The following SGCZ variants were observed in gnomAD, a reference collection of about 807,000 sequenced individuals.
SGCZ encodes the protein zeta-sarcoglycan.
Under a neutral mutation model 41.3 loss-of-function variants are expected in SGCZ, and 40 were observed. That is an observed-to-expected ratio of 0.97 (90% CI 0.75 to 1.26). SGCZ has a LOEUF of 1.26. Among genes scored for constraint, SGCZ ranks in the 50% most tolerant of loss-of-function variants. The pLI is 0.00. For missense variants in SGCZ, 552 were observed against 369.8 expected, an observed-to-expected ratio of 1.49 and a Z score of -4.04; for synonymous variants, 206 against 137.5, an observed-to-expected ratio of 1.50 and a Z score of -3.49.
intron 2 of SGCZ, among the ~76,000 whole-genome samples, chr8:14,352,453 G>T (rs61599929): frequency 0.056 from 8,590 of 152,130 alleles, 712 homozygotes; most frequent in African/African-American, 0.18. Context: ...TAAAAGCCAA[G>T]AAAATTTGAC....
chr8:14,594,292 C>T (rs1321938376), intron 1 of SGCZ, among the ~76,000 whole-genome samples: 4 of 151,940 alleles, frequency 2.6e-5, no homozygotes, highest in Non-Finnish European at 2.9e-5. Flanking sequence ...CAAGGATTTG[C>T]ATCTTTATCA....
At chr8:14,749,246 G>C (rs1304032976) in intron 1 of SGCZ, among the ~76,000 whole-genome samples, 1 of 152,010 alleles carries the variant, frequency 6.6e-6, no homozygotes, top group East Asian at 1.9e-4. Context: ...GGTGATGTTT[G>C]GACCAAAATG....
At chr8:14,630,545 T>A (rs563104044) in intron 1 of SGCZ, among the ~76,000 whole-genome samples, 1 of 152,026 alleles carries the variant, frequency 6.6e-6, no homozygotes, top group South Asian at 2.1e-4. Context: ...GGATTATAAA[T>A]CATGCTGCTA....
chr8:15,223,801 A>C (rs983881552), intron 1 of SGCZ, among the ~76,000 whole-genome samples: 4 of 152,190 alleles, frequency 2.6e-5, no homozygotes, highest in Admixed American at 2.6e-4. Context: ...AACTAGAAAA[A>C]GTATAGCAAA....
chr8:14,221,388 G>A (rs190519828), intron 4 of SGCZ, among the ~76,000 whole-genome samples: 1 of 152,268 alleles, frequency 6.6e-6, no homozygotes, highest in Admixed American at 6.5e-5. Flanking sequence ...ATTTTCAGGA[G>A]AGGCAATTGT....
chr8:14,246,659 G>A (rs559594303), intron 3 of SGCZ, among the ~76,000 whole-genome samples: 123 of 151,542 alleles, frequency 8.1e-4, no homozygotes, highest in Non-Finnish European at 1.1e-3. Context: ...TGTAATCCCA[G>A]CACTTTGGGA....
At chr8:14,510,591 C>T (rs1344386075) in intron 2 of SGCZ, among the ~76,000 whole-genome samples, 8 of 152,082 alleles carry the variant, frequency 5.3e-5, no homozygotes, top group Non-Finnish European at 8.8e-5. Flanking sequence ...CCTATGGTTA[C>T]GCCATCATTC....
At chr8:14,568,982 T>C (rs989866798) in intron 1 of SGCZ, among the ~76,000 whole-genome samples, 2 of 152,198 alleles carry the variant, frequency 1.3e-5, no homozygotes, top group Non-Finnish European at 2.9e-5. Flanking sequence ...TTTTTTTATT[T>C]GGAAATTGGA....
At chr8:14,735,592 C>G (rs1799005418) in intron 1 of SGCZ, among the ~76,000 whole-genome samples, 1 of 152,130 alleles carries the variant, frequency 6.6e-6, no homozygotes, top group Non-Finnish European at 1.5e-5. Flanking sequence ...GGATTTTGGA[C>G]TCAGCCTGAG....
chr8:14,312,598 C>G (rs6530762), intron 3 of SGCZ, among the ~76,000 whole-genome samples: 7,872 of 151,858 alleles, frequency 0.052, 629 homozygotes, highest in African/African-American at 0.17. Context: ...CCACTGCACT[C>G]TAGCCTAGAC....
At chr8:14,211,976 G>A (rs1479965098) in intron 4 of SGCZ, among the ~76,000 whole-genome samples, 2 of 152,178 alleles carry the variant, frequency 1.3e-5, no homozygotes, top group Non-Finnish European at 2.9e-5. Flanking sequence ...TGAGGTGGAA[G>A]AATGGGAACC....
At chr8:14,992,323 C>G (rs1456799574) in intron 1 of SGCZ, among the ~76,000 whole-genome samples, 1 of 149,906 alleles carries the variant, frequency 6.7e-6, no homozygotes, top group Non-Finnish European at 1.5e-5. Context: ...TTACCCCTCA[C>G]CCATCCTCCT....
chr8:14,924,265 G>C (rs933636845), intron 1 of SGCZ, among the ~76,000 whole-genome samples: 6 of 152,114 alleles, frequency 3.9e-5, no homozygotes, highest in Non-Finnish European at 7.4e-5. Flanking sequence ...TACATCTTCT[G>C]TTAGTTCCTG....
intron 1 of SGCZ, among the ~76,000 whole-genome samples, chr8:14,970,615 A>G (rs1801260422): frequency 6.6e-6 from 1 of 152,134 alleles, no homozygotes; most frequent in African/African-American, 2.4e-5. Context: ...TTGTTCACAT[A>G]TGTGTGCACC....
chr8:14,188,814 TTGTTTCTTTG>T, intron 4 of SGCZ, among the ~76,000 whole-genome samples: 1 of 22,986 alleles, frequency 4.4e-5, no homozygotes, highest in African/African-American at 3.1e-4. Context: ...TTTTGTTTGT[TTGTTTCTTTG>T]TTTTTTTTTG....
At chr8:14,845,229 A>C (rs747649425) in intron 1 of SGCZ, among the ~76,000 whole-genome samples, 12 of 152,182 alleles carry the variant, frequency 7.9e-5, no homozygotes, top group Non-Finnish European at 1.8e-4. Context: ...ACTCATGGGC[A>C]ATCAGTAAAA....
chr8:14,430,898 A>T (rs1799925336), intron 2 of SGCZ, among the ~76,000 whole-genome samples: 1 of 152,212 alleles, frequency 6.6e-6, no homozygotes, highest in African/African-American at 2.4e-5. Flanking sequence ...CTGTACACCA[A>T]CAGCGACCAA....
In SGCZ at chr8:14,249,237, C is replaced by T. The variant is rs370486824; in HGVS notation, c.337-11558G>A. Reference sequence around the variant, plus strand: ...ACTGTCTTCAAGCTGGGACATGAGTCTTCTCTTGCTTTTGAATTCAGATCA... The same window carrying T: ...ACTGTCTTCAAGCTGGGACATGAGTTTTCTCTTGCTTTTGAATTCAGATCA... On this transcript the variant is annotated intron_variant, in intron 3 of 7. Transcript: ENST00000382080. Among the ~76,000 whole-genome samples the T allele has an allele frequency of 1.7e-4, 26 of 152,270 alleles. No homozygotes were observed. In the South Asian group the frequency reaches 5.2e-3, roughly 30 times the overall value.
At chr8:14,391,808 T>C (rs943181664) in intron 2 of SGCZ, among the ~76,000 whole-genome samples, 4 of 152,164 alleles carry the variant, frequency 2.6e-5, no homozygotes, top group African/African-American at 7.2e-5. Flanking sequence ...ACAGGAAGCA[T>C]AGCAGCTTCT....
Sources: allele counts gnomAD v4.1 joint callset (sites outside exome capture counted in the v4.1 genomes callset), GRCh38; gene constraint gnomAD v4.1.1; transcripts MANE v1.5; gene names NCBI Gene and HGNC (gene_info 2026-07-23, HGNC 2026-07-21).